Variants in ALMS1 observed in about 807,000 individuals in gnomAD.
ALMS1 encodes the protein centrosome-associated protein ALMS1.
A neutral mutation model predicts 352.2 loss-of-function variants in ALMS1; 271 were observed. The observed-to-expected ratio is 0.77, with a 90% CI of 0.70 to 0.85. ALMS1 has a LOEUF of 0.85. Among genes scored for constraint, ALMS1 ranks in the 40% least tolerant of loss-of-function variants. The pLI is 0.00. For synonymous variants in ALMS1, 1,865 were observed against 1,761.2 expected, an observed-to-expected ratio of 1.06 and a Z score of -1.48; for missense variants, 5,445 against 4,870.7, an observed-to-expected ratio of 1.12 and a Z score of -3.51.
At chr2:73,406,152 A>G (rs1670968147) in intron 1 of ALMS1, among the ~76,000 whole-genome samples, 1 of 152,174 alleles carries the variant, frequency 6.6e-6, no homozygotes, top group Non-Finnish European at 1.5e-5. Flanking sequence ...CTTCAATTTT[A>G]TCAATGTTTG....
At chr2:73,513,265 C>T (rs564359924) in intron 10 of ALMS1, among the ~76,000 whole-genome samples, 112 of 152,194 alleles carry the variant, frequency 7.4e-4, no homozygotes, top group African/African-American at 2.6e-3. Flanking sequence ...TGGTCTCTGA[C>T]TTCCCTGTGT....
At chr2:73,436,728 G>C (rs766850529) in intron 7 of ALMS1, among the ~76,000 whole-genome samples, 1 of 151,956 alleles carries the variant, frequency 6.6e-6, no homozygotes, top group Non-Finnish European at 1.5e-5. Context: ...TTTCCATTTT[G>C]TTATTTTCTA....
intron 16 of ALMS1, among the ~76,000 whole-genome samples, chr2:73,580,495 C>T (rs183305969): frequency 2.8e-3 from 420 of 152,254 alleles, no homozygotes; most frequent in Non-Finnish European, 4.0e-3. Context: ...TTTCCTTTAG[C>T]TCTTTGAGCA....
At chr2:73,394,237 A>G (rs913077656) in intron 1 of ALMS1, among the ~76,000 whole-genome samples, 1 of 152,204 alleles carries the variant, frequency 6.6e-6, no homozygotes, top group African/African-American at 2.4e-5. Flanking sequence ...TTGCAATTCC[A>G]TATGAATTTT....
At chr2:73,506,550 T>C (rs1461364619) in intron 10 of ALMS1, among the ~76,000 whole-genome samples, 3 of 152,178 alleles carry the variant, frequency 2.0e-5, no homozygotes, top group Admixed American at 6.5e-5. Flanking sequence ...TTTGTAGCAA[T>C]TGTGAATGGG....
chr2:73,404,373 T>C (rs1232238785), intron 1 of ALMS1, among the ~76,000 whole-genome samples: 1 of 152,174 alleles, frequency 6.6e-6, no homozygotes, highest in Non-Finnish European at 1.5e-5. Flanking sequence ...TTAGAGGAAA[T>C]GTTTTCAGTT....
chr2:73,603,591 G>A (rs1675748540), intron 21 of ALMS1: 1 of 380,226 alleles, frequency 2.6e-6, no homozygotes, highest in Admixed American at 3.7e-5. Flanking sequence ...CAGGTACGGT[G>A]GCTCATGCCT....
In ALMS1 at chr2:73,534,849, G is replaced by A; in HGVS notation, c.9807G>A (p.Lys3269=). Residue 3269 remains lysine (K), a synonymous_variant, in exon 12 of 23, where the codon AAG becomes AAA. Coordinates refer to ENST00000613296, the MANE Select transcript of ALMS1 (RefSeq NM_001378454.1). ...TDGQPLLLPY[K]PSGSTKMYYV... ...GCCAGCCTTTATTATTGCCATATAA[G>A]CCTTCTGGTAGTACCAAGATGTATT... The A allele has an allele frequency of 6.2e-7, 1 of 1,613,512 alleles. No individual in the cohort carries two copies.
At position 73,510,263 on chromosome 2, in the gene ALMS1, G is replaced by A. The variant is rs1572984481; in HGVS notation, c.9540-9512G>A. On this transcript the variant is annotated intron_variant, in intron 10 of 22. Transcript: ENST00000613296. ...CTCCATCCAGTTTTGTTGCTGGTGAGAGTTGTGATCCTTTGGAGGAGAAGA... is the reference window on the plus strand; with the variant it reads ...CTCCATCCAGTTTTGTTGCTGGTGAAAGTTGTGATCCTTTGGAGGAGAAGA... Among the ~76,000 whole-genome samples, 4 of 152,148 alleles carry A rather than the reference G, an allele frequency of 2.6e-5. No individual in the cohort carries two copies. In the South Asian group the frequency reaches 8.3e-4, roughly 31 times the overall value.
intron 16 of ALMS1, among the ~76,000 whole-genome samples, chr2:73,592,842 C>A (rs1450934435): frequency 2.0e-5 from 3 of 152,118 alleles, no homozygotes; most frequent in Non-Finnish European, 4.4e-5. Context: ...TACAAAAACC[C>A]TGAAACATCT....
At chr2:73,406,474 A>G (rs774278089) in intron 1 of ALMS1, among the ~76,000 whole-genome samples, 7 of 116,940 alleles carry the variant, frequency 6.0e-5, no homozygotes, top group Non-Finnish European at 1.2e-4. Context: ...TTGTCCTTTC[A>G]TAGCTTGTTT....
chr2:73,524,283 A>G (rs1673744146), intron 11 of ALMS1, among the ~76,000 whole-genome samples: 1 of 151,950 alleles, frequency 6.6e-6, no homozygotes. Context: ...TTTATTTTTA[A>G]TTTGTCTGGG....
At position 73,424,498 on chromosome 2, in the gene ALMS1, T is replaced by A; in HGVS notation, c.833T>A (p.Phe278Tyr). 6.2e-7 allele frequency: 1 copy of A among 1,607,806 alleles called. No individual in the cohort carries two copies. Among genetic ancestry groups the A allele is most frequent in the Non-Finnish European group, 8.5e-7 (1 of 1,177,132 alleles). Residue 278 changes from phenylalanine to tyrosine, a missense_variant, in exon 5 of 23, where the codon TTC (phenylalanine) becomes TAC (tyrosine). Physicochemically the swap from Phe to Tyr is conservative, Grantham distance 22. Transcript: ENST00000613296. ...CCATCGGAAGTTAGTGAAGCTTTAT[T>A]CCAGGCTACTGCAGAAGTAGCTTCA... ...SRPSEVSEAL[F>Y]QATAEVASDL...
At chr2:73,420,793 C>G (rs1030830492) in intron 3 of ALMS1, among the ~76,000 whole-genome samples, 3 of 152,182 alleles carry the variant, frequency 2.0e-5, no homozygotes, top group Admixed American at 6.5e-5. Context: ...TCCTGGATCT[C>G]ATAGGCAGAG....
intron 7 of ALMS1, among the ~76,000 whole-genome samples, chr2:73,432,965 A>G (rs969941079): frequency 2.0e-5 from 3 of 152,192 alleles, no homozygotes; most frequent in African/African-American, 4.8e-5. Context: ...GTGGATGCAG[A>G]TAAGTTTGTA....
At chr2:73,566,232 T>A (rs998073208) in intron 15 of ALMS1, among the ~76,000 whole-genome samples, 4 of 152,252 alleles carry the variant, frequency 2.6e-5, no homozygotes, top group Non-Finnish European at 5.9e-5. Flanking sequence ...AAATTTCATC[T>A]TCTTAAAGAA....
chr2:73,563,328 A>G (rs531456406), intron 15 of ALMS1, among the ~76,000 whole-genome samples: 2 of 152,182 alleles, frequency 1.3e-5, no homozygotes, highest in Non-Finnish European at 2.9e-5. Flanking sequence ...CAATGAGGAT[A>G]TTTTGCATAA....
intron 10 of ALMS1, among the ~76,000 whole-genome samples, chr2:73,501,633 C>G (rs1015788167): frequency 6.6e-6 from 1 of 152,086 alleles, no homozygotes; most frequent in Admixed American, 6.5e-5. Flanking sequence ...AGAGTTTCTA[C>G]TCTGTTTCTT....
intron 1 of ALMS1, among the ~76,000 whole-genome samples, chr2:73,400,201 C>T (rs1257766751): frequency 6.6e-6 from 1 of 152,158 alleles, no homozygotes; most frequent in African/African-American, 2.4e-5. Context: ...TCACCTTGGC[C>T]TCTCAAAGTG....
Sources: allele counts gnomAD v4.1 joint callset (sites outside exome capture counted in the v4.1 genomes callset), GRCh38; gene constraint gnomAD v4.1.1; transcripts MANE v1.5; gene names NCBI Gene and HGNC (gene_info 2026-07-23, HGNC 2026-07-21).